Variants in TTC28 observed in about 807,000 individuals in gnomAD.
TTC28 encodes the protein tetratricopeptide repeat protein 28.
A neutral mutation model predicts 198.0 loss-of-function variants in TTC28; 61 were observed. That is an observed-to-expected ratio of 0.31 (90% CI 0.25 to 0.38). The LOEUF (loss-of-function observed/expected upper bound fraction) is 0.38, where lower values mean the gene tolerates loss of function less well. Among genes scored for constraint, TTC28 ranks in the 10% least tolerant of loss-of-function variants. The pLI is 1.00. For missense variants in TTC28, 2,678 were observed against 3,164.0 expected (o/e 0.85, Z 3.69); for synonymous variants, 1,171 against 1,297.8 (o/e 0.90, Z 2.10).
At chr22:28,620,005 A>G (rs1040359470) in intron 2 of TTC28, among the ~76,000 whole-genome samples, 3 of 152,230 alleles carry the variant, frequency 2.0e-5, no homozygotes, top group Non-Finnish European at 4.4e-5. Flanking sequence ...AATGAAAAAA[A>G]CCATCTTATT....
chr22:28,456,439 A>C (rs2047860759), intron 2 of TTC28, among the ~76,000 whole-genome samples: 1 of 152,188 alleles, frequency 6.6e-6, no homozygotes, highest in Non-Finnish European at 1.5e-5. Context: ...AAAAAAGTGA[A>C]TTGTAACTAA....
In TTC28 at chr22:28,296,277, A is replaced by G. The variant is rs1396481692; in HGVS notation, c.854T>C (p.Phe285Ser). Residue 285 changes from phenylalanine (F) to serine (S), a missense_variant, in exon 5 of 23, where the codon TTC becomes TCC. Physicochemically the swap from Phe to Ser is radical, Grantham distance 155. Coordinates refer to ENST00000397906, the MANE Select transcript of TTC28 (RefSeq NM_001145418.2). ...AGCCTCCCGGTAATTTCCTTTGGAGAAGAATGCAGAGCCCAGATTCCCATG... is the reference window on the plus strand; with the variant it reads ...AGCCTCCCGGTAATTTCCTTTGGAGGAGAATGCAGAGCCCAGATTCCCATG... Reference protein sequence around the residue: ...RAHGNLGSAFFSKGNYREALT... With the variant: ...RAHGNLGSAFSSKGNYREALT... The G allele has an allele frequency of 6.4e-6, 10 of 1,551,000 alleles. No individual in the cohort carries two copies. Among genetic ancestry groups the G allele is most frequent in the Non-Finnish European group, 8.7e-6 (10 of 1,146,672 alleles).
chr22:28,619,514 A>T (rs2050957769), intron 2 of TTC28, among the ~76,000 whole-genome samples: 1 of 152,266 alleles, frequency 6.6e-6, no homozygotes, highest in Non-Finnish European at 1.5e-5. Context: ...AATTTCAGTT[A>T]CCACTGTACA....
At chr22:28,224,071 A>G (rs973303187) in intron 5 of TTC28, among the ~76,000 whole-genome samples, 1 of 152,192 alleles carries the variant, frequency 6.6e-6, no homozygotes, top group African/African-American at 2.4e-5. Flanking sequence ...TTGTGGTAGG[A>G]GAGTTGCTAC....
intron 5 of TTC28, among the ~76,000 whole-genome samples, chr22:28,176,042 C>A (rs1263851308): frequency 6.6e-6 from 1 of 152,112 alleles, no homozygotes; most frequent in Non-Finnish European, 1.5e-5. Flanking sequence ...CCATATGATT[C>A]TGCAATCCTA....
chr22:28,183,674 C>T (rs142836807), intron 5 of TTC28, among the ~76,000 whole-genome samples: 265 of 152,222 alleles, frequency 1.7e-3, no homozygotes, highest in African/African-American at 6.1e-3. Flanking sequence ...TTGACACATT[C>T]GTTTGGCAGC....
chr22:28,128,091 T>C (rs1051159748), intron 6 of TTC28, among the ~76,000 whole-genome samples: 1 of 152,202 alleles, frequency 6.6e-6, no homozygotes, highest in African/African-American at 2.4e-5. Flanking sequence ...AAAGCCTCTG[T>C]AAGTCTGTGT....
intron 2 of TTC28, among the ~76,000 whole-genome samples, chr22:28,415,121 T>C (rs1045382152): frequency 3.9e-5 from 6 of 152,156 alleles, no homozygotes; most frequent in South Asian, 2.1e-4. Flanking sequence ...TGAGATCACA[T>C]AGGAAAATGA....
intron 2 of TTC28, among the ~76,000 whole-genome samples, chr22:28,367,017 G>T (rs1046997996): frequency 1.3e-5 from 2 of 152,000 alleles, no homozygotes; most frequent in Non-Finnish European, 2.9e-5. Context: ...ACTTTCAGCA[G>T]TGGACAGATC....
intron 2 of TTC28, among the ~76,000 whole-genome samples, chr22:28,410,173 C>T (rs758522971): frequency 6.6e-6 from 1 of 152,170 alleles, no homozygotes; most frequent in Admixed American, 6.5e-5. Context: ...CTGCCCACCT[C>T]GGCTTCTCAA....
intron 2 of TTC28, among the ~76,000 whole-genome samples, chr22:28,464,542 GT>G (rs773154066): frequency 6.6e-6 from 1 of 152,022 alleles, no homozygotes; most frequent in Non-Finnish European, 1.5e-5. Flanking sequence ...TTTAGGAAAG[GT>G]TTTTTCTATC....
intron 2 of TTC28, among the ~76,000 whole-genome samples, chr22:28,407,217 G>A (rs907260068): frequency 6.6e-6 from 1 of 152,122 alleles, no homozygotes; most frequent in African/African-American, 2.4e-5. Context: ...AAATAAATAA[G>A]AGTTCCCTTC....
chr22:28,104,957 C>CA (rs1297845643), intron 8 of TTC28, among the ~76,000 whole-genome samples: 4 of 152,288 alleles, frequency 2.6e-5, no homozygotes, highest in Admixed American at 6.5e-5. Context: ...GCTCATTCCT[C>CA]AGAGGGTTCT....
chr22:28,084,494 A>T (rs1167804944), intron 12 of TTC28, among the ~76,000 whole-genome samples: 1 of 152,184 alleles, frequency 6.6e-6, no homozygotes, highest in Non-Finnish European at 1.5e-5. Context: ...GGACATCCAC[A>T]CCAAAAACCC....
chr22:28,556,353 T>C (rs2049786060), intron 2 of TTC28, among the ~76,000 whole-genome samples: 1 of 151,948 alleles, frequency 6.6e-6, no homozygotes, highest in Non-Finnish European at 1.5e-5. Flanking sequence ...AGCAAGACCC[T>C]GTCTCAAAAA....
At chr22:28,129,230 T>C (rs1386769790) in intron 6 of TTC28, among the ~76,000 whole-genome samples, 1 of 152,176 alleles carries the variant, frequency 6.6e-6, no homozygotes, top group East Asian at 1.9e-4. Flanking sequence ...AAACTAAAGG[T>C]TAGCCAGTCC....
intron 2 of TTC28, among the ~76,000 whole-genome samples, chr22:28,384,759 C>T (rs1277992749): frequency 3.9e-5 from 6 of 152,214 alleles, no homozygotes; most frequent in East Asian, 3.9e-4. Flanking sequence ...CCTTATCATC[C>T]GTCTTCTGCA....
At chr22:28,284,613 A>G (rs919792023) in intron 5 of TTC28, among the ~76,000 whole-genome samples, 12 of 152,152 alleles carry the variant, frequency 7.9e-5, no homozygotes, top group African/African-American at 2.7e-4. Context: ...TATAAAATAC[A>G]TATTATATAA....
At chr22:28,046,855 G>C (rs1939887478) in intron 12 of TTC28, among the ~76,000 whole-genome samples, 1 of 152,194 alleles carries the variant, frequency 6.6e-6, no homozygotes, top group African/African-American at 2.4e-5. Context: ...GGATATACGT[G>C]CATGTGTGTT....
Sources: gnomAD v4.1 joint callset for allele counts (sites outside exome capture counted in the v4.1 genomes callset) on GRCh38, gnomAD v4.1.1 for gene constraint, MANE v1.5 for transcripts, NCBI Gene and HGNC (gene_info 2026-07-23, HGNC 2026-07-21) for gene names.